Variants in FAM227B observed in about 807,000 individuals in gnomAD.
The protein encoded by FAM227B is family with sequence similarity 227 member B, also known as protein FAM227B.
In FAM227B, 88 loss-of-function variants were observed where a neutral mutation model predicts 73.8. That is an observed-to-expected ratio of 1.19 (90% confidence interval 1.00 to 1.42). The LOEUF (loss-of-function observed/expected upper bound fraction) is 1.42, where lower values mean the gene tolerates loss of function less well. Among genes scored for constraint, FAM227B ranks in the 40% most tolerant of loss-of-function variants. The pLI is 0.00. For synonymous variants in FAM227B, 210 were observed against 190.5 expected (o/e 1.10, Z -0.84); for missense variants, 632 against 590.9 (o/e 1.07, Z -0.72).
chr15:49,388,738 C>A (rs1251309165), intron 11 of FAM227B, among the ~76,000 whole-genome samples: 1 of 151,288 alleles, frequency 6.6e-6, no homozygotes, highest in Non-Finnish European at 1.5e-5. Context: ...ACTACACATC[C>A]GAAAAAGGAC....
At chr15:49,443,275 TTTC>T (rs2051850336) in intron 11 of FAM227B, among the ~76,000 whole-genome samples, 3 of 151,654 alleles carry the variant, frequency 2.0e-5, no homozygotes, top group Admixed American at 1.3e-4. Context: ...TACTACTGAA[TTTC>T]TTTACTATTA....
At chr15:49,479,597 CTGTTTTTT>C in intron 11 of FAM227B, among the ~76,000 whole-genome samples, 1 of 102,084 alleles carries the variant, frequency 9.8e-6, no homozygotes, top group East Asian at 3.4e-4. Flanking sequence ...GTTAATACCT[CTGTTTTTT>C]TTTTTTTTTT....
At chr15:49,415,999 C>G (rs2049183810) in intron 11 of FAM227B, among the ~76,000 whole-genome samples, 1 of 152,122 alleles carries the variant, frequency 6.6e-6, no homozygotes, top group South Asian at 2.1e-4. Flanking sequence ...AGAATAAACT[C>G]AATCTCCTAT....
intron 11 of FAM227B, among the ~76,000 whole-genome samples, chr15:49,476,969 G>C (rs1252856782): frequency 6.6e-6 from 1 of 151,392 alleles, no homozygotes; most frequent in African/African-American, 2.4e-5. Context: ...CTGAGGCAGG[G>C]AAATGGTGCA....
chr15:49,508,283 G>T lies in FAM227B; in HGVS notation c.940C>A (p.His314Asn), dbSNP rs201478342. The stretch of plus-strand genomic sequence containing the variant: ...TTTGCAGGTGCTTTTTTGCTACCAT[G>T]AATGGTGGTTGTGGAGAGTTCTTTC... ...KLKELSTTTI[H>N]GSKKAPAKSV... The change falls in exon 11 of 16, where the codon CAT becomes AAT. Residue 314 changes from histidine (H) to asparagine (N), a missense_variant. Transcript: ENST00000299338. The T allele has an allele frequency of 6.2e-7, 1 of 1,611,294 alleles. No individual in the cohort carries two copies. The highest frequency in any genetic ancestry group is 2.2e-5 in the East Asian group (1 of 44,610).
chr15:49,535,910 C>T (rs549723024), intron 10 of FAM227B, among the ~76,000 whole-genome samples: 5 of 151,378 alleles, frequency 3.3e-5, no homozygotes, highest in African/African-American at 1.2e-4. Context: ...AATAAAGTTC[C>T]TAAACATAAT....
At chr15:49,404,311 CT>C (rs1157664945) in intron 11 of FAM227B, among the ~76,000 whole-genome samples, 1 of 152,100 alleles carries the variant, frequency 6.6e-6, no homozygotes, top group African/African-American at 2.4e-5. Flanking sequence ...TCTTGAGTAT[CT>C]TTGTTAATTT....
At chr15:49,573,872 G>T (rs75739065) in intron 8 of FAM227B, among the ~76,000 whole-genome samples, 4,370 of 152,064 alleles carry the variant, frequency 0.029, 220 homozygotes, top group African/African-American at 0.1. Flanking sequence ...TCAAAGAAGG[G>T]GCTGAAGTCT....
intron 2 of FAM227B, among the ~76,000 whole-genome samples, chr15:49,613,987 T>G (rs962167537): frequency 4.6e-5 from 7 of 152,204 alleles, no homozygotes; most frequent in Admixed American, 1.3e-4. Flanking sequence ...GCAATTTGGC[T>G]AGAAGGAACT....
chr15:49,605,186 C>A (rs934487862), intron 3 of FAM227B, among the ~76,000 whole-genome samples: 1 of 152,096 alleles, frequency 6.6e-6, no homozygotes, highest in Non-Finnish European at 1.5e-5. Context: ...GTCAGCCCAC[C>A]CAGAAAATGT....
At chr15:49,582,980 G>C (rs1213799649) in intron 5 of FAM227B, among the ~76,000 whole-genome samples, 1 of 152,110 alleles carries the variant, frequency 6.6e-6, no homozygotes, top group African/African-American at 2.4e-5. Flanking sequence ...CTAAGGCAGT[G>C]TTAAGAGGGA....
chr15:49,553,539 T>A (rs1352980066), intron 9 of FAM227B, among the ~76,000 whole-genome samples: 1 of 152,124 alleles, frequency 6.6e-6, no homozygotes, highest in Non-Finnish European at 1.5e-5. Flanking sequence ...AGGCCCCTGG[T>A]AGGTCCAGGT....
intron 11 of FAM227B, among the ~76,000 whole-genome samples, chr15:49,458,256 T>G (rs1015046499): frequency 1.3e-5 from 2 of 151,910 alleles, no homozygotes; most frequent in Admixed American, 6.6e-5. Context: ...TCATTTATAC[T>G]GAATTAATAT....
chr15:49,368,729 C>G (rs2045558185), intron 12 of FAM227B, among the ~76,000 whole-genome samples: 1 of 152,194 alleles, frequency 6.6e-6, no homozygotes, highest in Non-Finnish European at 1.5e-5. Context: ...TGTTTTGCAA[C>G]ACTCTTCCTG....
At chr15:49,561,858 G>C (rs2074287850) in intron 9 of FAM227B, among the ~76,000 whole-genome samples, 1 of 152,062 alleles carries the variant, frequency 6.6e-6, no homozygotes, top group African/African-American at 2.4e-5. Flanking sequence ...AATGTTAAGA[G>C]CAAAGTTGAT....
At chr15:49,558,062 G>A (rs1048141131) in intron 9 of FAM227B, among the ~76,000 whole-genome samples, 1 of 152,092 alleles carries the variant, frequency 6.6e-6, no homozygotes, top group Non-Finnish European at 1.5e-5. Flanking sequence ...CAGACTATGT[G>A]ACCTCCTATC....
At chr15:49,334,252 G>GT in intron 14 of FAM227B, 1 of 984,282 alleles carries the variant, frequency 1.0e-6, no homozygotes, top group African/African-American at 1.7e-5. Context: ...TCCTGCTGCT[G>GT]TTTTAGAAGT....
At chr15:49,607,611 A>C (rs1191032690) in intron 3 of FAM227B, among the ~76,000 whole-genome samples, 2 of 152,212 alleles carry the variant, frequency 1.3e-5, no homozygotes, top group Non-Finnish European at 2.9e-5. Context: ...TTTATGTCAG[A>C]CTTGTTATAT....
At chr15:49,409,137 A>G (rs2048711279) in intron 11 of FAM227B, among the ~76,000 whole-genome samples, 1 of 152,022 alleles carries the variant, frequency 6.6e-6, no homozygotes, top group African/African-American at 2.4e-5. Flanking sequence ...TCCTCTGGAG[A>G]TGAGTATGCT....
Sources: gnomAD v4.1 joint callset for allele counts (sites outside exome capture counted in the v4.1 genomes callset) on GRCh38, gnomAD v4.1.1 for gene constraint, MANE v1.5 for transcripts, NCBI Gene and HGNC (gene_info 2026-07-23, HGNC 2026-07-21) for gene names.